ATXN8OS: variants seen among roughly 807,000 people sequenced by gnomAD.
The protein encoded by ATXN8OS is ATXN8 opposite strand (non-protein coding).
intron 3 of ATXN8OS, chr13:70,131,658 G>A (rs952646936): frequency 3.8e-5 from 15 of 395,832 alleles, no homozygotes; most frequent in Non-Finnish European, 5.8e-5. Flanking sequence ...TTCTCATGGA[G>A]ACATTCTCTG....
exon 5 of ATXN8OS, among the ~76,000 whole-genome samples, chr13:70,171,573 A>G (rs1889144609): frequency 6.6e-6 from 1 of 152,084 alleles, no homozygotes; most frequent in Non-Finnish European, 1.5e-5. Flanking sequence ...TATGTCACTA[A>G]TTTTTCAGCT....
At chr13:70,165,145 T>C (rs1272722339) in intron 4 of ATXN8OS, among the ~76,000 whole-genome samples, 1 of 151,900 alleles carries the variant, frequency 6.6e-6, no homozygotes, top group South Asian at 2.1e-4. Flanking sequence ...TTTCAAGCCT[T>C]AGAAAATAAA....
chr13:70,155,858 C>T (rs1888929162), intron 4 of ATXN8OS, among the ~76,000 whole-genome samples: 1 of 151,542 alleles, frequency 6.6e-6, no homozygotes, highest in South Asian at 2.1e-4. Flanking sequence ...TATTGTACCA[C>T]CAGAAAAAAA....
At chr13:70,156,602 T>C (rs1426960585) in intron 4 of ATXN8OS, among the ~76,000 whole-genome samples, 1 of 152,100 alleles carries the variant, frequency 6.6e-6, no homozygotes, top group Non-Finnish European at 1.5e-5. Flanking sequence ...TCACAACACG[T>C]TACTCTTTTT....
Position 70,164,049 on chromosome 13 carries a change from TTTATTCTTATTATTA to T in ATXN8OS, n.574-5698_574-5684del, listed in dbSNP as rs1210308788. ...CTCCTAGAATTGTAAGCTGGAAGTT[TTTATTCTTATTATTA>T]TTATTATTATTATTATTATTATTAT... On this transcript the variant is annotated intron_variant and non_coding_transcript_variant, in intron 4 of 4. Transcript: ENST00000678624. Among the ~76,000 whole-genome samples, 410 of 140,470 alleles carry T rather than the reference TTTATTCTTATTATTA, an allele frequency of 2.9e-3. 9 individuals are homozygous for T. Among genetic ancestry groups the T allele is most frequent in the East Asian group, 0.016 (79 of 4,852 alleles). 92.2% of individuals were successfully genotyped at this position (140,470 alleles called of 152,430 possible).
intron 3 of ATXN8OS, among the ~76,000 whole-genome samples, chr13:70,140,770 C>T (rs1888703428): frequency 1.3e-5 from 2 of 151,868 alleles, no homozygotes; most frequent in Non-Finnish European, 2.9e-5. Context: ...GCCCCCTAAC[C>T]CTGTTTTAGT....
At chr13:70,139,380 A>ACTGCTGCTGCTGCTG (rs752810956) in intron 3 of ATXN8OS, 5,945 of 576,022 alleles carry the variant, frequency 0.01, 40 homozygotes, top group East Asian at 0.019. Context: ...TACTACTACT[A>ACTGCTGCTGCTGCTG]CTACTGCTGC....
intron 4 of ATXN8OS, among the ~76,000 whole-genome samples, chr13:70,164,626 C>G (rs1225386579): frequency 6.6e-6 from 1 of 151,952 alleles, no homozygotes; most frequent in African/African-American, 2.4e-5. Flanking sequence ...AATAATTTAT[C>G]ACAAATATGC....
At chr13:70,160,069 T>C (rs962638652) in intron 4 of ATXN8OS, among the ~76,000 whole-genome samples, 2 of 152,196 alleles carry the variant, frequency 1.3e-5, no homozygotes, top group Non-Finnish European at 2.9e-5. Flanking sequence ...CTGGGTCTTA[T>C]GGTTAATTGC....
chr13:70,117,848 T>C (rs1311101374), intron 2 of ATXN8OS, among the ~76,000 whole-genome samples: 2 of 93,862 alleles, frequency 2.1e-5, no homozygotes, highest in African/African-American at 3.5e-5. Context: ...ATGACCTTTA[T>C]ATTGTTGTAA....
rs181439337 is a variant in ATXN8OS, at chr13:70,124,756, A to C, written n.399-5028A>C. Among the ~76,000 whole-genome samples, 32 of 152,080 alleles carry C rather than the reference A, an allele frequency of 2.1e-4. No individual in the cohort carries two copies. The East Asian group carries it at 4.4e-3, about 21-fold the overall frequency. On this transcript the variant is annotated intron_variant and non_coding_transcript_variant, in intron 2 of 4. Coordinates refer to ENST00000678624, the Ensembl canonical transcript of ATXN8OS. ...AATCAATTCACTATTTTTTTCAACC[A>C]CTAATTACTGAAGATATATCGTTGT...
chr13:70,151,303 T>G (rs2137499040), intron 4 of ATXN8OS, among the ~76,000 whole-genome samples: 1 of 152,246 alleles, frequency 6.6e-6, no homozygotes, highest in Middle Eastern at 3.4e-3. Context: ...TCATTTCTTC[T>G]TCCACCCTTC....
intron 4 of ATXN8OS, among the ~76,000 whole-genome samples, chr13:70,153,232 T>A (rs1243474337): frequency 6.6e-6 from 1 of 152,118 alleles, no homozygotes; most frequent in Non-Finnish European, 1.5e-5. Context: ...GTAATACAAT[T>A]TTTTGGCATC....
intron 4 of ATXN8OS, among the ~76,000 whole-genome samples, chr13:70,150,017 C>G (rs1373811034): frequency 6.6e-6 from 1 of 152,096 alleles, no homozygotes; most frequent in African/African-American, 2.4e-5. Flanking sequence ...TCACAGACAA[C>G]CTTCTATGGC....
intron 4 of ATXN8OS, among the ~76,000 whole-genome samples, chr13:70,167,071 C>T (rs1476947673): frequency 6.6e-6 from 1 of 151,910 alleles, no homozygotes; most frequent in African/African-American, 2.4e-5. Flanking sequence ...GTTGGTGGGA[C>T]TGTAAACTAG....
intron 4 of ATXN8OS, among the ~76,000 whole-genome samples, chr13:70,164,040 C>A (rs2137506399): frequency 7.2e-6 from 1 of 138,138 alleles, no homozygotes; most frequent in African/African-American, 2.7e-5. Flanking sequence ...GAATTGTAAG[C>A]TGGAAGTTTT....
intron 1 of ATXN8OS, among the ~76,000 whole-genome samples, chr13:70,109,442 TGAAGTGCAGTTAG>T (rs1174198246): frequency 6.6e-6 from 1 of 152,182 alleles, no homozygotes; most frequent in African/African-American, 2.4e-5. Flanking sequence ...AATCAACCAC[TGAAGTGCAGTTAG>T]GCTACTGCTC....
rs553808229 is a variant in ATXN8OS at position 70,158,592 on chromosome 13, T to C, written n.574-11161T>C. ...AACACAGGTCAGAAAACCTTTTCTGTAAAGGGTCAGATAGTAAATATTTTG... is the reference window on the plus strand; with the variant it reads ...AACACAGGTCAGAAAACCTTTTCTGCAAAGGGTCAGATAGTAAATATTTTG... On this transcript the variant is annotated intron_variant and non_coding_transcript_variant, in intron 4 of 4. Transcript: ENST00000678624. Among the ~76,000 whole-genome samples the C allele has an allele frequency of 2.3e-4, 35 of 152,342 alleles. 1 individual carries two copies. The highest frequency in any genetic ancestry group is 2.0e-3 in the Admixed American group (31 of 15,302).
chr13:70,134,069 G>A (rs900299948), intron 3 of ATXN8OS, among the ~76,000 whole-genome samples: 27 of 152,008 alleles, frequency 1.8e-4, no homozygotes, highest in Non-Finnish European at 3.5e-4. Flanking sequence ...GTCTGATAAT[G>A]AAAAGGATAA....
Sources: gnomAD v4.1 joint callset for allele counts (sites outside exome capture counted in the v4.1 genomes callset) on GRCh38, gnomAD v4.1.1 for gene constraint, MANE v1.5 for transcripts, NCBI Gene and HGNC (gene_info 2026-07-23, HGNC 2026-07-21) for gene names.